STIM1: variants seen among roughly 807,000 people sequenced by gnomAD.
The protein encoded by STIM1 is stromal interaction molecule 1.
Under a neutral mutation model 74.7 loss-of-function variants are expected in STIM1, and 25 were observed. The ratio of observed to expected loss-of-function variants is 0.33; its 90% CI spans 0.24 to 0.47. STIM1 has a LOEUF of 0.47. STIM1 is among the 20% of genes least tolerant of loss of function. STIM1 has a pLI of 1.00. For synonymous variants in STIM1, 328 were observed against 348.8 expected (o/e 0.94, Z 0.66); for missense variants, 728 against 920.8 (o/e 0.79, Z 2.71).
intron 2 of STIM1, among the ~76,000 whole-genome samples, chr11:4,022,785 A>G (rs552540763): frequency 1.3e-5 from 2 of 152,332 alleles, no homozygotes; most frequent in South Asian, 4.1e-4. Context: ...TCCACATGAT[A>G]TCTCCAGCAG....
chr11:4,025,821 CA>C (rs1284393142), intron 3 of STIM1, among the ~76,000 whole-genome samples: 12 of 152,076 alleles, frequency 7.9e-5, no homozygotes, highest in African/African-American at 2.9e-4. Flanking sequence ...TTCTAAATTA[CA>C]GGAAAATGAA....
At chr11:3,869,346 C>T (rs1271857921) in intron 1 of STIM1, among the ~76,000 whole-genome samples, 1 of 152,204 alleles carries the variant, frequency 6.6e-6, no homozygotes, top group Non-Finnish European at 1.5e-5. Flanking sequence ...TCGGGTCTCT[C>T]ACTTTATAGC....
At chr11:3,920,376 C>G (rs2092703095) in intron 1 of STIM1, among the ~76,000 whole-genome samples, 1 of 152,196 alleles carries the variant, frequency 6.6e-6, no homozygotes, top group East Asian at 1.9e-4. Context: ...TCCCTATTCT[C>G]TATCCTCTGG....
At chr11:4,044,857 T>C (rs890959615) in intron 3 of STIM1, among the ~76,000 whole-genome samples, 1 of 152,164 alleles carries the variant, frequency 6.6e-6, no homozygotes, top group Admixed American at 6.5e-5. Context: ...GGGCAGTTTT[T>C]CCCTTCCATG....
At chr11:3,943,574 C>T (rs1442073013) in intron 1 of STIM1, among the ~76,000 whole-genome samples, 1 of 152,022 alleles carries the variant, frequency 6.6e-6, no homozygotes, top group Non-Finnish European at 1.5e-5. Flanking sequence ...ATAGGTTTTT[C>T]CAAGAGAGCC....
chr11:3,997,360 T>C (rs1309724333), intron 2 of STIM1, among the ~76,000 whole-genome samples: 3 of 152,176 alleles, frequency 2.0e-5, no homozygotes, highest in Admixed American at 6.5e-5. Context: ...CACTATAATT[T>C]ATTAAGTGGA....
chr11:3,889,166 T>A (rs960303267), intron 1 of STIM1, among the ~76,000 whole-genome samples: 2 of 147,648 alleles, frequency 1.4e-5, no homozygotes, highest in East Asian at 3.9e-4. Context: ...ATGCTGAGGT[T>A]TTATCAGAGA....
At chr11:3,922,113 G>C (rs999975755) in intron 1 of STIM1, among the ~76,000 whole-genome samples, 2 of 152,030 alleles carry the variant, frequency 1.3e-5, no homozygotes, top group African/African-American at 4.8e-5. Flanking sequence ...TGCAATTATA[G>C]ATATTAATAT....
chr11:3,922,519 C>T (rs995689809), intron 1 of STIM1: 1 of 152,140 alleles, frequency 6.6e-6, no homozygotes, highest in East Asian at 1.9e-4. Flanking sequence ...GTTTATCAAC[C>T]TTTTCCTCCA....
intron 1 of STIM1, among the ~76,000 whole-genome samples, chr11:3,897,967 A>G (rs2092237385): frequency 6.6e-6 from 1 of 152,182 alleles, no homozygotes; most frequent in Non-Finnish European, 1.5e-5. Context: ...TAATGCCGCA[A>G]TAAACATACG....
intron 1 of STIM1, among the ~76,000 whole-genome samples, chr11:3,887,670 A>G (rs2091759547): frequency 6.6e-6 from 1 of 152,022 alleles, no homozygotes; most frequent in African/African-American, 2.4e-5. Context: ...GATTTGATGA[A>G]AGAATAGGGC....
At chr11:3,886,229 A>G (rs2091698816) in intron 1 of STIM1, among the ~76,000 whole-genome samples, 1 of 152,264 alleles carries the variant, frequency 6.6e-6, no homozygotes, top group South Asian at 2.1e-4. Context: ...ATGATAAAAT[A>G]GAGAAAGACG....
chr11:4,060,154 G>A (rs2094320821), intron 5 of STIM1, among the ~76,000 whole-genome samples: 1 of 152,210 alleles, frequency 6.6e-6, no homozygotes, highest in Non-Finnish European at 1.5e-5. Flanking sequence ...AGGTTGTTCA[G>A]TCTCTACAGA....
Position 3,943,073 on chromosome 11 carries a change from G to C in STIM1, c.140-24479G>C, listed in dbSNP as rs533759270. On this transcript the variant is annotated intron_variant, in intron 1 of 12. Coordinates refer to ENST00000526596, the MANE Select transcript of STIM1 (RefSeq NM_001382567.1). The stretch of plus-strand genomic sequence containing the variant: ...AAGGCAACTCTTCTGCTAGGAGCCT[G>C]GGACCCTCTAGTCTGCTCTTAGAGA... 2.0e-5 allele frequency among the ~76,000 whole-genome samples: 3 copies of C among 152,294 alleles called. No homozygotes were observed. The East Asian group carries it at 5.8e-4, about 29-fold the overall frequency.
chr11:4,011,993 T>C (rs1036857103), intron 2 of STIM1, among the ~76,000 whole-genome samples: 1 of 152,210 alleles, frequency 6.6e-6, no homozygotes, highest in African/African-American at 2.4e-5. Flanking sequence ...CCCTTCTCCA[T>C]TGCTTGTTTT....
At chr11:3,875,489 G>A (rs572535579) in intron 1 of STIM1, among the ~76,000 whole-genome samples, 36 of 152,220 alleles carry the variant, frequency 2.4e-4, no homozygotes, top group Non-Finnish European at 4.3e-4. Context: ...ACTTTGGGAG[G>A]CCGAGGCAGG....
At chr11:3,951,219 T>C (rs1171393093) in intron 1 of STIM1, among the ~76,000 whole-genome samples, 1 of 152,190 alleles carries the variant, frequency 6.6e-6, no homozygotes, top group African/African-American at 2.4e-5. Flanking sequence ...AAAGGCATCC[T>C]GTAAGGAAGG....
intron 2 of STIM1, among the ~76,000 whole-genome samples, chr11:4,003,267 C>T (rs1275178721): frequency 2.7e-5 from 4 of 147,468 alleles, no homozygotes; most frequent in East Asian, 2.0e-4. Context: ...ATACCAAAGC[C>T]GGGCAGAGAC....
chr11:3,867,043 C>A (rs2090887032), intron 1 of STIM1: 1 of 152,122 alleles, frequency 6.6e-6, no homozygotes, highest in Non-Finnish European at 1.5e-5. Context: ...ATGAATTGAT[C>A]TTTGGATTGA....
Sources: allele counts gnomAD v4.1 joint callset (sites outside exome capture counted in the v4.1 genomes callset), GRCh38; gene constraint gnomAD v4.1.1; transcripts MANE v1.5; gene names NCBI Gene and HGNC (gene_info 2026-07-23, HGNC 2026-07-21).